NLGN1: variants seen among roughly 807,000 people sequenced by gnomAD.
The protein encoded by NLGN1 is neuroligin-1.
NLGN1 carries 12 observed loss-of-function variants against 65.5 expected under a neutral mutation model. The ratio of observed to expected loss-of-function variants is 0.18; its 90% CI spans 0.12 to 0.30. The LOEUF is 0.30. Ranked by LOEUF, NLGN1 falls within the 10% of genes least tolerant of loss-of-function variation. The pLI is 1.00. For missense variants in NLGN1, 750 were observed against 1,007.1 expected (o/e 0.74, Z 3.46); for synonymous variants, 350 against 359.5 (o/e 0.97, Z 0.30).
intron 2 of NLGN1, among the ~76,000 whole-genome samples, chr3:173,542,004 A>G (rs917165617): frequency 5.3e-5 from 8 of 152,038 alleles, no homozygotes; most frequent in Non-Finnish European, 8.8e-5. Flanking sequence ...ATTTTCTACT[A>G]CATCCATCCC....
chr3:173,561,903 A>G (rs1373837430), intron 2 of NLGN1, among the ~76,000 whole-genome samples: 1 of 152,220 alleles, frequency 6.6e-6, no homozygotes, highest in African/African-American at 2.4e-5. Context: ...TGAAGGCTCG[A>G]AAACATTGCA....
intron 4 of NLGN1, among the ~76,000 whole-genome samples, chr3:173,948,079 A>G (rs1161863943): frequency 6.6e-6 from 1 of 152,236 alleles, no homozygotes; most frequent in South Asian, 2.1e-4. Context: ...GGGTTCTGTG[A>G]TACAATGTGG....
chr3:173,977,549 G>A (rs1717779937), intron 4 of NLGN1, among the ~76,000 whole-genome samples: 1 of 151,914 alleles, frequency 6.6e-6, no homozygotes, highest in Admixed American at 6.6e-5. Context: ...TTTTAAGCAG[G>A]AATTAACAAT....
At chr3:174,271,057 G>C (rs1364161101) in intron 4 of NLGN1, among the ~76,000 whole-genome samples, 2 of 151,744 alleles carry the variant, frequency 1.3e-5, no homozygotes. Context: ...ACAGTCATCT[G>C]TATCCAGGCA....
chr3:174,108,212 T>C (rs1260100700), intron 4 of NLGN1, among the ~76,000 whole-genome samples: 1 of 152,100 alleles, frequency 6.6e-6, no homozygotes, highest in Admixed American at 6.6e-5. Flanking sequence ...AAGAACTATT[T>C]GTGTAACTTA....
At chr3:174,274,692 T>C (rs1239618045) in intron 4 of NLGN1, among the ~76,000 whole-genome samples, 1 of 151,898 alleles carries the variant, frequency 6.6e-6, no homozygotes, top group Non-Finnish European at 1.5e-5. Flanking sequence ...GCATTTAAAG[T>C]AGTCCTAAAT....
chr3:174,247,919 G>A (rs1420990595), intron 4 of NLGN1, among the ~76,000 whole-genome samples: 1 of 152,126 alleles, frequency 6.6e-6, no homozygotes. Context: ...TATTAATTAG[G>A]TTCTTGAAAA....
chr3:174,202,093 C>CT (rs1220862299), intron 4 of NLGN1, among the ~76,000 whole-genome samples: 4 of 152,118 alleles, frequency 2.6e-5, no homozygotes, highest in Non-Finnish European at 5.9e-5. Context: ...CCCCGTCTCT[C>CT]TAAGTCTTTA....
At chr3:174,247,766 A>G (rs1744062730) in intron 4 of NLGN1, among the ~76,000 whole-genome samples, 1 of 152,124 alleles carries the variant, frequency 6.6e-6, no homozygotes, top group Non-Finnish European at 1.5e-5. Flanking sequence ...TCAGCTGGAA[A>G]CCACCCTGGC....
At chr3:173,663,876 A>G (rs1208060725) in intron 3 of NLGN1, among the ~76,000 whole-genome samples, 10 of 145,878 alleles carry the variant, frequency 6.9e-5, no homozygotes. Flanking sequence ...TTTTTTTTCC[A>G]TTATGAGCAG....
intron 3 of NLGN1, among the ~76,000 whole-genome samples, chr3:173,806,646 T>C (rs1472255458): frequency 2.0e-5 from 3 of 152,148 alleles, no homozygotes; most frequent in Non-Finnish European, 2.9e-5. Context: ...ATATAATACG[T>C]AGATAGAACT....
chr3:173,927,484 G>T (rs891550108), intron 4 of NLGN1, among the ~76,000 whole-genome samples: 1 of 152,066 alleles, frequency 6.6e-6, no homozygotes, highest in Admixed American at 6.6e-5. Flanking sequence ...GAAACTTAAG[G>T]GAGGGATGGG....
chr3:173,871,762 G>A (rs1000564383), intron 4 of NLGN1, among the ~76,000 whole-genome samples: 1 of 152,096 alleles, frequency 6.6e-6, no homozygotes, highest in Non-Finnish European at 1.5e-5. Flanking sequence ...TTTTCCTCCA[G>A]TAGAATGGTC....
intron 3 of NLGN1, among the ~76,000 whole-genome samples, chr3:173,783,294 C>A (rs970684287): frequency 4.6e-5 from 7 of 152,176 alleles, no homozygotes; most frequent in African/African-American, 1.7e-4. Flanking sequence ...GTTGAGGCAG[C>A]AAAATGCTGT....
chr3:174,077,907 A>G (rs1018018340), intron 4 of NLGN1, among the ~76,000 whole-genome samples: 18 of 152,144 alleles, frequency 1.2e-4, no homozygotes, highest in African/African-American at 4.3e-4. Context: ...TGATCTTTAT[A>G]GGAAATGAAA....
chr3:173,816,039 T>C (rs1718977437), intron 4 of NLGN1, among the ~76,000 whole-genome samples: 1 of 135,648 alleles, frequency 7.4e-6, no homozygotes, highest in African/African-American at 2.8e-5. Context: ...ATTATAAATA[T>C]AATATAGTCA....
At chr3:174,266,862 T>C (rs1165424013) in intron 4 of NLGN1, among the ~76,000 whole-genome samples, 3 of 152,224 alleles carry the variant, frequency 2.0e-5, no homozygotes, top group Non-Finnish European at 4.4e-5. Flanking sequence ...TTTTAATTCT[T>C]CTTGACTTCA....
chr3:173,941,153 G>C (rs1415019328), intron 4 of NLGN1, among the ~76,000 whole-genome samples: 3 of 152,062 alleles, frequency 2.0e-5, no homozygotes, highest in African/African-American at 7.2e-5. Context: ...AGTTTTGCTT[G>C]CTGCTCCAAT....
chr3:173,888,954 G>A (rs145583443), intron 4 of NLGN1, among the ~76,000 whole-genome samples: 16 of 152,166 alleles, frequency 1.1e-4, no homozygotes, highest in Admixed American at 2.0e-4. Flanking sequence ...CACTTTGGCT[G>A]GAGATTTTCT....
Sources: allele counts gnomAD v4.1 joint callset (sites outside exome capture counted in the v4.1 genomes callset), GRCh38; gene constraint gnomAD v4.1.1; transcripts MANE v1.5; gene names NCBI Gene and HGNC (gene_info 2026-07-23, HGNC 2026-07-21).